Variants in KALRN observed in about 807,000 individuals in gnomAD.
KALRN encodes the protein kalirin RhoGEF kinase.
KALRN carries 70 observed loss-of-function variants against 353.7 expected under a neutral mutation model. The ratio of observed to expected loss-of-function variants is 0.20; its 90% CI spans 0.16 to 0.24. The LOEUF is 0.24. KALRN is among the 10% of genes least tolerant of loss of function. The pLI, the probability that KALRN is intolerant of heterozygous loss-of-function variation, is 1.00. For synonymous variants in KALRN, 1,391 were observed against 1,434.8 expected, an observed-to-expected ratio of 0.97 and a Z score of 0.69; for missense variants, 2,791 against 3,756.7, an observed-to-expected ratio of 0.74 and a Z score of 6.72.
chr3:124,490,906 A>C, intron 30 of KALRN, 22 bp downstream of exon 30: 1 of 1,592,758 alleles, frequency 6.3e-7, no homozygotes, highest in Non-Finnish European at 8.6e-7. Flanking sequence ...AGGTGGGGTA[A>C]GACAAGACTC....
At chr3:124,096,775 C>T (rs1041972235) in intron 1 of KALRN, 2 of 152,100 alleles carry the variant, frequency 1.3e-5, no homozygotes, top group African/African-American at 4.8e-5. Context: ...ATAATAATGC[C>T]TACATCATAG....
At chr3:124,508,750 G>T (rs569289925) in intron 33 of KALRN, among the ~76,000 whole-genome samples, 1 of 152,044 alleles carries the variant, frequency 6.6e-6, no homozygotes, top group Non-Finnish European at 1.5e-5. Context: ...TCAAAGTGCC[G>T]ATACCAAATT....
At chr3:124,224,309 T>C (rs964428784) in intron 1 of KALRN, among the ~76,000 whole-genome samples, 4 of 151,312 alleles carry the variant, frequency 2.6e-5, no homozygotes, top group South Asian at 2.1e-4. Flanking sequence ...CTGGGCCACA[T>C]TGAAAGAAAA....
chr3:124,710,266 A>C (rs529641996), intron 57 of KALRN, among the ~76,000 whole-genome samples: 1 of 152,374 alleles, frequency 6.6e-6, no homozygotes, highest in South Asian at 2.1e-4. Flanking sequence ...TAATGTAGAT[A>C]CTGAATATTG....
intron 6 of KALRN, among the ~76,000 whole-genome samples, chr3:124,319,328 T>C (rs2079092894): frequency 6.6e-6 from 1 of 151,460 alleles, no homozygotes. Context: ...AAAAACCAAA[T>C]CTATTAAAGT....
intron 1 of KALRN, among the ~76,000 whole-genome samples, chr3:124,160,396 C>CA (rs1166319789): frequency 6.6e-6 from 1 of 151,858 alleles, no homozygotes; most frequent in Non-Finnish European, 1.5e-5. Flanking sequence ...TTAGAATGAT[C>CA]AGGAATAAAA....
chr3:124,719,077 C>A lies in KALRN; in HGVS notation c.8568C>A (p.Pro2856=). The A allele has an allele frequency of 6.2e-7, 1 of 1,614,212 alleles. No individual in the cohort carries two copies. Among genetic ancestry groups the A allele is most frequent in the South Asian group, 1.1e-5 (1 of 91,082 alleles). The change falls in exon 60 of 60, where the codon CCC becomes CCA. Residue 2856 remains proline, a synonymous_variant. Transcript: ENST00000682506. This position sits in a 1 kb window ranked among gnomAD's most constrained non-coding sequence, Gnocchi z 5.3. Reference sequence around the variant, plus strand: ...CCCCAGAAGTCATTCAAGGCATCCCCGTCTCCCTGGGGACAGACATCTGGA... The same window carrying A: ...CCCCAGAAGTCATTCAAGGCATCCCAGTCTCCCTGGGGACAGACATCTGGA... ...FAAPEVIQGI[P]VSLGTDIWSI...
At chr3:124,352,105 T>C (rs1462193306) in intron 10 of KALRN, among the ~76,000 whole-genome samples, 1 of 152,234 alleles carries the variant, frequency 6.6e-6, no homozygotes, top group Non-Finnish European at 1.5e-5. Context: ...AGTCAACTAA[T>C]GGACTCAGTT....
chr3:124,107,608 A>G (rs904917037), intron 1 of KALRN, among the ~76,000 whole-genome samples: 1 of 152,080 alleles, frequency 6.6e-6, no homozygotes, highest in African/African-American at 2.4e-5. Context: ...GGAATAAATA[A>G]GTAAGAACCC....
intron 1 of KALRN, among the ~76,000 whole-genome samples, chr3:124,107,626 G>C (rs1458167500): frequency 6.6e-6 from 1 of 152,088 alleles, no homozygotes; most frequent in Non-Finnish European, 1.5e-5. Context: ...CCCTGGTGTT[G>C]ACTCTTTCCC....
At chr3:124,397,436 G>C (rs1310689141) in intron 12 of KALRN, among the ~76,000 whole-genome samples, 3 of 152,158 alleles carry the variant, frequency 2.0e-5, no homozygotes, top group African/African-American at 2.4e-5. Context: ...ACAAACACAG[G>C]CTAAAAGAAC....
At chr3:124,662,227 G>A (rs961827192) in intron 45 of KALRN, among the ~76,000 whole-genome samples, 3 of 126,690 alleles carry the variant, frequency 2.4e-5, no homozygotes, top group Non-Finnish European at 4.8e-5. Flanking sequence ...TTTGAGACAG[G>A]TTCTTGCCCT....
chr3:124,474,766 T>C, intron 26 of KALRN, 34 bp downstream of exon 26: 3 of 1,516,512 alleles, frequency 2.0e-6, no homozygotes, highest in Non-Finnish European at 2.8e-6. Context: ...CCACTGCCCA[T>C]ACACATGGCA....
At chr3:124,670,021 G>A (rs936557159) in intron 47 of KALRN, among the ~76,000 whole-genome samples, 3 of 149,724 alleles carry the variant, frequency 2.0e-5, no homozygotes, top group Non-Finnish European at 4.4e-5. Context: ...CCAGGCTGGA[G>A]TGCAGTGGCG....
intron 1 of KALRN, among the ~76,000 whole-genome samples, chr3:124,183,795 T>C (rs753704562): frequency 1.3e-5 from 2 of 152,218 alleles, no homozygotes; most frequent in Non-Finnish European, 2.9e-5. Flanking sequence ...AGCAAACTAG[T>C]ACCGAGGGCA....
chr3:124,412,644 G>C (rs1171740851), intron 13 of KALRN, among the ~76,000 whole-genome samples: 1 of 152,306 alleles, frequency 6.6e-6, no homozygotes, highest in East Asian at 1.9e-4. Context: ...TGTGAGTTAA[G>C]GTGTAGAGAA....
intron 5 of KALRN, among the ~76,000 whole-genome samples, chr3:124,276,005 A>G (rs2074683976): frequency 6.6e-6 from 1 of 152,210 alleles, no homozygotes; most frequent in Non-Finnish European, 1.5e-5. Flanking sequence ...CTGGTGTCCC[A>G]TGAGAGGTGA....
At chr3:124,550,363 TA>T (rs943075147) in intron 33 of KALRN, among the ~76,000 whole-genome samples, 2 of 152,154 alleles carry the variant, frequency 1.3e-5, no homozygotes, top group Non-Finnish European at 2.9e-5. Flanking sequence ...GCCCCGATGC[TA>T]CCTAGTTTTG....
At chr3:124,417,468 T>A (rs2092569506) in intron 14 of KALRN, among the ~76,000 whole-genome samples, 1 of 152,218 alleles carries the variant, frequency 6.6e-6, no homozygotes, top group African/African-American at 2.4e-5. Flanking sequence ...ATGTTGTTTT[T>A]GTGATTTACA....
Sources: allele counts gnomAD v4.1 joint callset (sites outside exome capture counted in the v4.1 genomes callset), GRCh38; gene constraint gnomAD v4.1.1; non-coding constraint Gnocchi (gnomAD v3.1); transcripts MANE v1.5; gene names NCBI Gene and HGNC (gene_info 2026-07-23, HGNC 2026-07-21).